MISP: variants seen among roughly 807,000 people sequenced by gnomAD.
The protein encoded by MISP is mitotic interactor and substrate of PLK1.
A neutral mutation model predicts 49.3 loss-of-function variants in MISP; 51 were observed. The ratio of observed to expected loss-of-function variants is 1.03; its 90% CI spans 0.83 to 1.31. The LOEUF (loss-of-function observed/expected upper bound fraction) is 1.31, where lower values mean the gene tolerates loss of function less well. Ranked by LOEUF, MISP falls within the 50% of genes most tolerant of loss-of-function variation. The pLI is 0.00. For synonymous variants in MISP, 444 were observed against 392.6 expected, an observed-to-expected ratio of 1.13 and a Z score of -1.55; for missense variants, 1,084 against 935.1, an observed-to-expected ratio of 1.16 and a Z score of -2.08.
chr19:758,052 G>T lies in MISP; in HGVS notation c.1106G>T (p.Gly369Val), dbSNP rs771512854. The change falls in exon 2 of 5, where the codon GGC becomes GTC. Residue 369 changes from glycine to valine, a missense_variant. Gly to Val is a moderately radical substitution (Grantham distance 109, BLOSUM62 -3). Coordinates refer to ENST00000215582, the MANE Select transcript of MISP (RefSeq NM_173481.4). ...CGTGAGGAAGACCACCGGCGGGAGG[G>T]CCTGCACGTGGGCCGGGCGTCCACA... ...TQREEDHRRE[G>V]LHVGRASTPD... 1.3e-5 allele frequency: 20 copies of T among 1,568,302 alleles called. No homozygotes were observed. The Admixed American group carries it at 3.0e-4, about 24-fold the overall frequency.
chr19:752,165 C>T lies in MISP; in HGVS notation c.-58+994C>T, dbSNP rs112728286. Among the ~76,000 whole-genome samples, 242 of 152,240 alleles carry T rather than the reference C, an allele frequency of 1.6e-3. 3 individuals are homozygous for T. The highest frequency in any genetic ancestry group is 5.6e-3 in the African/African-American group (231 of 41,550). ...AGCTCCCTCTCTCGAAAACCGGAGT[C>T]GAAAACGGTTCCAAGGTGTTGCAGG... On this transcript the variant is annotated intron_variant, in intron 1 of 4. Transcript: ENST00000215582.
In MISP at chr19:764,015, C is replaced by A. The variant is rs1334982374; in HGVS notation, c.*425C>A. The A allele has an allele frequency of 6.3e-6, 1 of 158,316 alleles. No individual in the cohort carries two copies. Among genetic ancestry groups the A allele is most frequent in the Non-Finnish European group, 1.4e-5 (1 of 71,884 alleles). The allele number at this position is 158,316 out of a possible 1,614,324, so 9.8% of individuals were successfully genotyped here. ...GGCTGCGGGTCTGAGGGAGGAGACA[C>A]TCAGCTCCTCCCTCTGAGAAGTCCC... is the stretch of plus-strand genomic sequence containing the variant. On this transcript the variant is annotated 3_prime_UTR_variant, in exon 5 of 5. Coordinates refer to ENST00000215582, the MANE Select transcript of MISP (RefSeq NM_173481.4).
Position 758,305 on chromosome 19 carries a change from G to T in MISP, c.1359G>T (p.Ala453=). 1 of 1,614,056 alleles carries T rather than the reference G, an allele frequency of 6.2e-7. No individual in the cohort carries two copies. Among genetic ancestry groups the T allele is most frequent in the East Asian group, 2.2e-5 (1 of 44,880 alleles). Residue 453 remains alanine (A), a synonymous_variant, in exon 2 of 5, where the codon GCG becomes GCT. Coordinates refer to ENST00000215582, the MANE Select transcript of MISP (RefSeq NM_173481.4). ...GCAAGCCCAGCAGTCTCTCCACAGC[G>T]GAGGCCAAGGCTGCGACTTCACCAA... The part of the protein sequence containing the change: ...AFGKPSSLST[A]EAKAATSPKA...
rs373803918 is a variant in MISP, at chr19:757,980, G to A, written c.1034G>A (p.Gly345Glu). 2.3e-5 allele frequency: 37 copies of A among 1,580,856 alleles called. No homozygotes were observed. The highest frequency in any genetic ancestry group is 4.0e-5 in the African/African-American group (3 of 74,322). Reference sequence around the variant, plus strand: ...ATCACAGCCCCACGGCGGGAGAGAGGGCGCCCGTCCCTCTACGTGCAGCGG... The same window carrying A: ...ATCACAGCCCCACGGCGGGAGAGAGAGCGCCCGTCCCTCTACGTGCAGCGG... ...SLITAPRRER[G>E]RPSLYVQRDI... The change falls in exon 2 of 5, where the codon GGG (glycine) becomes GAG (glutamate). Residue 345 changes from glycine to glutamate, a missense_variant. Transcript: ENST00000215582.
At chr19:748,543 G>GT (rs2033410266), upstream of MISP, among the ~76,000 whole-genome samples, 1 of 152,192 alleles carries the variant, frequency 6.6e-6, no homozygotes, top group South Asian at 2.1e-4. Context: ...AGGGGCTGCT[G>GT]TGGGGGGGCA....
At chr19:760,205 T>C (rs980909750) in intron 3 of MISP, among the ~76,000 whole-genome samples, 166 bp downstream of exon 3, 1 of 151,838 alleles carries the variant, frequency 6.6e-6, no homozygotes, top group Admixed American at 6.6e-5. Context: ...GATGATAAAC[T>C]TGGTGTCCTT....
Position 756,934 on chromosome 19 carries a change from G to GACCCC in MISP, c.-12_-8dup. On this transcript the variant is annotated 5_prime_UTR_variant, in exon 2 of 5. Transcript: ENST00000215582. Reference sequence around the variant, plus strand: ...CCCACGGGAGGAAGGCTGAGGCCAAGACCCCGGAAGAGATGGACCGCGTGA... The same window carrying GACCCC: ...CCCACGGGAGGAAGGCTGAGGCCAAGACCCCACCCCGGAAGAGATGGACCGCGTGA... 1 of 1,513,920 alleles carries GACCCC rather than the reference G, an allele frequency of 6.6e-7. No homozygotes were observed. The highest frequency in any genetic ancestry group is 8.9e-7 in the Non-Finnish European group (1 of 1,125,236). 93.8% of individuals were successfully genotyped at this position (1,513,920 alleles called of 1,614,324 possible). A position where few individuals can be genotyped will look rare whatever the true frequency, so the allele number is the denominator to read the frequency against.
rs749279326 is a variant in MISP at position 761,656 on chromosome 19, A to C, written c.1943A>C (p.Asn648Thr). 2.8e-5 allele frequency: 45 copies of C among 1,613,918 alleles called. No individual in the cohort carries two copies. The highest frequency in any genetic ancestry group is 3.7e-5 in the Non-Finnish European group (44 of 1,179,982). Residue 648 changes from asparagine to threonine, a missense_variant, in exon 4 of 5, where the codon AAC becomes ACC. Coordinates refer to ENST00000215582, the MANE Select transcript of MISP (RefSeq NM_173481.4). ...YAGINPSDGI[N>T]SEVLEAIRVT... is the part of the protein sequence containing the mutation. The stretch of plus-strand genomic sequence containing the variant: ...GGCATCAACCCCTCGGACGGTATCA[A>C]CTCAGAGGTGAGTATGCTCCTGGGC...
chr19:753,947 T>C (rs920086480), intron 1 of MISP, among the ~76,000 whole-genome samples: 1 of 152,128 alleles, frequency 6.6e-6, no homozygotes, highest in Non-Finnish European at 1.5e-5. Flanking sequence ...CAGCCGACAG[T>C]GCTTTTTTTA....
At position 757,615 on chromosome 19, in the gene MISP, A is replaced by C. The variant is rs891879705; in HGVS notation, c.669A>C (p.Thr223=). 2 of 1,612,536 alleles carry C rather than the reference A, an allele frequency of 1.2e-6. No individual in the cohort carries two copies. The highest frequency in any genetic ancestry group is 2.7e-5 in the African/African-American group (2 of 74,930). ...SSPARGTPAG[T]TPGASQAPKA... ...CGGCCAGGGGGACCCCTGCAGGCAC[A>C]ACCCCAGGGGCCAGCCAGGCCCCCA... The change falls in exon 2 of 5, where the codon ACA becomes ACC. Residue 223 remains threonine, a synonymous_variant. Transcript: ENST00000215582.
chr19:760,032 A>T lies in MISP; in HGVS notation c.1904A>T (p.Glu635Val). Reference sequence around the variant, plus strand: ...GCTCCTCCCGGGCAGAGAAAGAAGGAGCAATGGGTGAGTCTGGAACCCGTC... The same window carrying T: ...GCTCCTCCCGGGCAGAGAAAGAAGGTGCAATGGGTGAGTCTGGAACCCGTC... ...DSAPPGQRKK[E>V]QWYAGINPSD... The change falls in exon 3 of 5, where the codon GAG becomes GTG. Residue 635 changes from glutamate to valine, a missense_variant. By Grantham distance (121) the Glu-to-Val change is moderately radical (BLOSUM62 -2). Transcript: ENST00000215582. 6.2e-7 allele frequency: 1 copy of T among 1,613,740 alleles called. No homozygotes were observed. The highest frequency in any genetic ancestry group is 2.2e-5 in the East Asian group (1 of 44,854).
At position 761,677 on chromosome 19, in the gene MISP, T is replaced by C; in HGVS notation, c.1950+14T>C. The C allele has an allele frequency of 3.7e-6, 6 of 1,614,046 alleles. No individual in the cohort carries two copies. The highest frequency in any genetic ancestry group is 5.1e-6 in the Non-Finnish European group (6 of 1,179,940). On this transcript the variant is annotated intron_variant, in intron 4 of 4. Coordinates refer to ENST00000215582, the MANE Select transcript of MISP (RefSeq NM_173481.4). ...ATCAACTCAGAGGTGAGTATGCTCCTGGGCACGAAGACTCAAGTCTTTCCC... is the reference window on the plus strand; with the variant it reads ...ATCAACTCAGAGGTGAGTATGCTCCCGGGCACGAAGACTCAAGTCTTTCCC...
chr19:750,188 C>CTTTTT (rs71174321), upstream of MISP, among the ~76,000 whole-genome samples: 1 of 112,642 alleles, frequency 8.9e-6, no homozygotes, highest in Non-Finnish European at 1.7e-5. Flanking sequence ...TCGTGCGGTT[C>CTTTTT]TTTTTTTTTT....
chr19:761,928 G>A (rs1015193999), intron 4 of MISP, among the ~76,000 whole-genome samples: 9 of 152,034 alleles, frequency 5.9e-5, no homozygotes, highest in African/African-American at 2.2e-4. Flanking sequence ...CAAAGGCAAT[G>A]TTGCTTTTTT....
At position 761,645 on chromosome 19, in the gene MISP, G is replaced by A. The variant is rs371439205; in HGVS notation, c.1932G>A (p.Ser644=). ...KEQWYAGINP[S]DGINSEVLEA... Reference sequence around the variant, plus strand: ...TGTAGTACGCTGGCATCAACCCCTCGGACGGTATCAACTCAGAGGTGAGTA... The same window carrying A: ...TGTAGTACGCTGGCATCAACCCCTCAGACGGTATCAACTCAGAGGTGAGTA... The change falls in exon 4 of 5, where the codon TCG becomes TCA. Residue 644 remains serine, a synonymous_variant. Transcript: ENST00000215582. 75 of 1,613,972 alleles carry A rather than the reference G, an allele frequency of 4.6e-5. No individual in the cohort carries two copies. The highest frequency in any genetic ancestry group is 8.0e-5 in the African/African-American group (6 of 74,936).
upstream of MISP, among the ~76,000 whole-genome samples, chr19:749,036 G>T (rs1481538239): frequency 6.6e-6 from 1 of 152,234 alleles, no homozygotes; most frequent in Non-Finnish European, 1.5e-5. Context: ...TATTCAGGAG[G>T]CTGAGGCAGG....
At position 752,920 on chromosome 19, in the gene MISP, A is replaced by G. The variant is rs143858677; in HGVS notation, c.-58+1749A>G. Among the ~76,000 whole-genome samples, 434 of 152,296 alleles carry G rather than the reference A, an allele frequency of 2.8e-3. 3 individuals are homozygous for G. Among genetic ancestry groups the G allele is most frequent in the African/African-American group, 9.6e-3 (400 of 41,570 alleles). On this transcript the variant is annotated intron_variant, in intron 1 of 4. Coordinates refer to ENST00000215582, the MANE Select transcript of MISP (RefSeq NM_173481.4). ...CGGTGGAGCCGGTCTGCATTCCGCA[A>G]TGAGCCCGACCCCCACGTCTGAGCA...
At chr19:750,179 C>T (rs1287801951), upstream of MISP, among the ~76,000 whole-genome samples, 30 of 143,238 alleles carry the variant, frequency 2.1e-4, no homozygotes, top group Admixed American at 1.4e-3. Flanking sequence ...TTGACGGCCT[C>T]GTGCGGTTCT....
chr19:759,881 A>G, intron 2 of MISP, 28 bp from the exon 3 acceptor site: 3 of 1,613,112 alleles, frequency 1.9e-6, no homozygotes, highest in Non-Finnish European at 2.5e-6. Context: ...AAATGTTCTA[A>G]TGTTCTGCCC....
Sources: gnomAD v4.1 joint callset for allele counts (sites outside exome capture counted in the v4.1 genomes callset) on GRCh38, gnomAD v4.1.1 for gene constraint, MANE v1.5 for transcripts, NCBI Gene and HGNC (gene_info 2026-07-23, HGNC 2026-07-21) for gene names.